DNAI4: variants seen among roughly 807,000 people sequenced by gnomAD.
The protein encoded by DNAI4 is WD repeat domain 78.
DNAI4 carries 85 observed loss-of-function variants against 105.8 expected under a neutral mutation model. That is an observed-to-expected ratio of 0.80 (90% confidence interval 0.67 to 0.96). The LOEUF (loss-of-function observed/expected upper bound fraction) is 0.96. Ranked by LOEUF, DNAI4 falls within the 40% of genes least tolerant of loss-of-function variation. The pLI is 0.00. For missense variants in DNAI4, 1,014 were observed against 1,005.6 expected (o/e 1.01, Z -0.11); for synonymous variants, 352 against 331.5 (o/e 1.06, Z -0.67).
chr1:66,837,994 C>T (rs547471179), intron 9 of DNAI4, among the ~76,000 whole-genome samples, 198 bp from the exon 10 acceptor site: 18 of 152,124 alleles, frequency 1.2e-4, no homozygotes, highest in Non-Finnish European at 2.5e-4. Flanking sequence ...GAGTATAATG[C>T]TTCTCATTTG....
intron 2 of DNAI4, among the ~76,000 whole-genome samples, chr1:66,901,585 T>C (rs1315282457): frequency 1.3e-5 from 2 of 152,220 alleles, no homozygotes; most frequent in African/African-American, 2.4e-5. Flanking sequence ...TGTGTATATA[T>C]ACCACTTTTT....
At chr1:66,826,457 C>A (rs1283890478) in intron 15 of DNAI4, among the ~76,000 whole-genome samples, 1 of 152,092 alleles carries the variant, frequency 6.6e-6, no homozygotes, top group Non-Finnish European at 1.5e-5. Context: ...TGCCACCACA[C>A]CTGGCTAGTT....
chr1:66,908,649 A>C (rs1649432273), intron 1 of DNAI4, among the ~76,000 whole-genome samples: 1 of 152,204 alleles, frequency 6.6e-6, no homozygotes, highest in Non-Finnish European at 1.5e-5. Context: ...TTTTGCAATA[A>C]TACACTATAT....
At chr1:66,867,317 T>G (rs528727695) in intron 6 of DNAI4, among the ~76,000 whole-genome samples, 1 of 152,354 alleles carries the variant, frequency 6.6e-6, no homozygotes, top group South Asian at 2.1e-4. Flanking sequence ...GTTGTTCCCC[T>G]TCAATCTTCC....
chr1:66,873,734 GA>G (rs2100671646), intron 5 of DNAI4, among the ~76,000 whole-genome samples: 1 of 152,048 alleles, frequency 6.6e-6, no homozygotes, highest in South Asian at 2.1e-4. Context: ...AGGGTTGGGA[GA>G]ACCCAAGACT....
At chr1:66,900,751 G>A (rs906667114) in intron 2 of DNAI4, among the ~76,000 whole-genome samples, 1 of 152,020 alleles carries the variant, frequency 6.6e-6, no homozygotes, top group Non-Finnish European at 1.5e-5. Context: ...CATGTATCCG[G>A]CTGCCTTACA....
intron 16 of DNAI4, among the ~76,000 whole-genome samples, chr1:66,821,305 G>T (rs1645621486): frequency 6.6e-6 from 1 of 151,716 alleles, no homozygotes; most frequent in South Asian, 2.1e-4. Flanking sequence ...CACCATATTG[G>T]CCAGGCTGCT....
At chr1:66,917,020 AT>A (rs1020994420) in intron 1 of DNAI4, among the ~76,000 whole-genome samples, 2 of 152,156 alleles carry the variant, frequency 1.3e-5, no homozygotes, top group Admixed American at 6.5e-5. Flanking sequence ...CAATTTATAA[AT>A]TGTCTTTTCC....
chr1:66,883,153 C>T (rs1238258732), intron 4 of DNAI4, among the ~76,000 whole-genome samples: 2 of 148,134 alleles, frequency 1.4e-5, no homozygotes, highest in Admixed American at 1.3e-4. Flanking sequence ...AGGATACATG[C>T]CTATTGGTGC....
rs1645719707 is a variant in DNAI4 at position 66,825,021 on chromosome 1, T to C, written c.2339+1799A>G. Among the ~76,000 whole-genome samples the C allele has an allele frequency of 4.6e-5, 7 of 152,292 alleles. 1 individual carries two copies. The South Asian group carries it at 1.5e-3, about 32-fold the overall frequency. On this transcript the variant is annotated intron_variant, in intron 15 of 16. Coordinates refer to ENST00000371026, the MANE Select transcript of DNAI4 (RefSeq NM_024763.5). ...TTTCATACTTGATAGGACCCACTCC[T>C]TAAAATAAATGTCTCTCTCAAGAGA...
chr1:66,871,090 G>C, intron 6 of DNAI4: 1 of 340,170 alleles, frequency 2.9e-6, no homozygotes, highest in Non-Finnish European at 5.2e-6. Context: ...TTGTGACATA[G>C]TAAATAATCA....
intron 11 of DNAI4, among the ~76,000 whole-genome samples, chr1:66,835,102 T>C (rs1451812843): frequency 6.6e-6 from 1 of 152,104 alleles, no homozygotes; most frequent in East Asian, 1.9e-4. Context: ...ACTGGACTCC[T>C]GTTACATGTC....
chr1:66,845,148 G>A (rs1335478435), intron 8 of DNAI4, among the ~76,000 whole-genome samples: 2 of 136,354 alleles, frequency 1.5e-5, no homozygotes, highest in African/African-American at 5.7e-5. Context: ...CCAAGATCGT[G>A]CCTTTGCACT....
At chr1:66,882,469 T>C (rs537249198) in intron 4 of DNAI4, among the ~76,000 whole-genome samples, 6 of 152,294 alleles carry the variant, frequency 3.9e-5, no homozygotes, top group African/African-American at 1.4e-4. Flanking sequence ...ATGATCCATT[T>C]TGAGTTAATT....
chr1:66,912,209 C>T (rs891236985), intron 1 of DNAI4, among the ~76,000 whole-genome samples: 4 of 151,936 alleles, frequency 2.6e-5, no homozygotes, highest in Admixed American at 6.6e-5. Flanking sequence ...AAGCCGGGCA[C>T]GGTGGCTCAC....
Position 66,862,190 on chromosome 1 carries a change from A to G in DNAI4, c.1053T>C (p.Pro351=). 1 of 1,604,504 alleles carries G rather than the reference A, an allele frequency of 6.2e-7. No homozygotes were observed. ...VESSSKANVL[P]KDQDQRLPGS... ...CTGGCAATCTTTGGTCCTGATCTTT[A>G]GGAAGTACATTTGCTTTACTACTTG... The change falls in exon 7 of 17, where the codon CCT becomes CCC. Residue 351 remains proline, a synonymous_variant. Coordinates refer to ENST00000371026, the MANE Select transcript of DNAI4 (RefSeq NM_024763.5).
At chr1:66,826,573 C>T (rs1645758426) in intron 15 of DNAI4, among the ~76,000 whole-genome samples, 1 of 152,178 alleles carries the variant, frequency 6.6e-6, no homozygotes, top group Non-Finnish European at 1.5e-5. Context: ...ACCAGGATTA[C>T]AGGTGTGAGC....
intron 1 of DNAI4, among the ~76,000 whole-genome samples, chr1:66,911,621 A>G (rs548009636): frequency 6.6e-6 from 1 of 152,364 alleles, no homozygotes; most frequent in South Asian, 2.1e-4. Flanking sequence ...GGACCATTTG[A>G]TCAAAGACCA....
At chr1:66,843,000 C>A (rs956512363) in intron 8 of DNAI4, among the ~76,000 whole-genome samples, 16 of 151,868 alleles carry the variant, frequency 1.1e-4, no homozygotes, top group African/African-American at 3.6e-4. Context: ...GAGTTTAAGA[C>A]CAGCCTGGGC....
Sources: allele counts gnomAD v4.1 joint callset (sites outside exome capture counted in the v4.1 genomes callset), GRCh38; gene constraint gnomAD v4.1.1; transcripts MANE v1.5; gene names NCBI Gene and HGNC (gene_info 2026-07-23, HGNC 2026-07-21).